PSD3: variants seen among roughly 807,000 people sequenced by gnomAD.
PSD3 encodes the protein pleckstrin and Sec7 domain containing 3, also known as PH and SEC7 domain-containing protein 3.
PSD3 carries 49 observed loss-of-function variants against 105.5 expected under a neutral mutation model. The ratio of observed to expected loss-of-function variants is 0.46; its 90% CI spans 0.37 to 0.59. PSD3 has a LOEUF of 0.59. Among genes scored for constraint, PSD3 ranks in the 20% least tolerant of loss-of-function variants. The pLI, the probability that PSD3 is intolerant of heterozygous loss-of-function variation, is 0.00. For synonymous variants in PSD3, 557 were observed against 457.8 expected (o/e 1.22, Z -2.77); for missense variants, 1,561 against 1,263.8 (o/e 1.24, Z -3.57).
At chr8:18,576,822 C>G (rs369991125) in intron 12 of PSD3, among the ~76,000 whole-genome samples, 2 of 151,734 alleles carry the variant, frequency 1.3e-5, no homozygotes, top group East Asian at 3.9e-4. Flanking sequence ...CATTTCCATA[C>G]ATACTGATCC....
At chr8:18,772,112 TA>T (rs1447793958) in intron 8 of PSD3, among the ~76,000 whole-genome samples, 2 of 152,246 alleles carry the variant, frequency 1.3e-5, no homozygotes, top group Non-Finnish European at 2.9e-5. Context: ...GACAACATTT[TA>T]TTTATACATA....
Position 18,765,494 on chromosome 8 carries a change from C to G in PSD3, c.2127G>C (p.Leu709=). The G allele has an allele frequency of 6.2e-7, 1 of 1,613,322 alleles. No homozygotes were observed. The highest frequency in any genetic ancestry group is 8.5e-7 in the Non-Finnish European group (1 of 1,179,258). ...AATCAACACCCTCATTTACCCCTTG[C>G]AGATTTGCAATGAACTCCTGACAGG... ...KMTCQEFIAN[L]QGVNEGVDFS... The change falls in exon 9 of 16, where the codon CTG becomes CTC. Residue 709 remains leucine, a synonymous_variant. Coordinates refer to ENST00000327040, the MANE Select transcript of PSD3 (RefSeq NM_015310.4).
At chr8:18,951,542 G>C (rs1368489057) in intron 1 of PSD3, among the ~76,000 whole-genome samples, 1 of 152,140 alleles carries the variant, frequency 6.6e-6, no homozygotes, top group Non-Finnish European at 1.5e-5. Flanking sequence ...AAAATGCACT[G>C]ACAAGTTAGG....
intron 12 of PSD3, among the ~76,000 whole-genome samples, chr8:18,577,020 A>G (rs781004218): frequency 2.6e-5 from 4 of 151,194 alleles, no homozygotes; most frequent in Non-Finnish European, 5.9e-5. Flanking sequence ...TTTGTTTTCC[A>G]TATTTCTTCT....
chr8:18,717,537 C>G (rs190876418), intron 9 of PSD3, among the ~76,000 whole-genome samples: 3 of 151,932 alleles, frequency 2.0e-5, no homozygotes, highest in South Asian at 2.1e-4. Context: ...TAAAAAAAAA[C>G]CAACCATGAA....
chr8:18,935,982 T>C (rs1822100920), intron 2 of PSD3, 52 bp downstream of exon 2: 1 of 1,188,560 alleles, frequency 8.4e-7, no homozygotes, highest in African/African-American at 1.5e-5. Context: ...CACTTTGAAA[T>C]CACAGCTCTT....
At chr8:18,543,604 C>G (rs1013885218) in intron 15 of PSD3, among the ~76,000 whole-genome samples, 2 of 150,712 alleles carry the variant, frequency 1.3e-5, no homozygotes, top group Non-Finnish European at 3.0e-5. Context: ...GGCGACAGAG[C>G]GAGACTCTCT....
Position 18,535,536 on chromosome 8 carries a change from A to C in PSD3, c.*207T>G, listed in dbSNP as rs940895287. ...TCCTCACAGAAAAGGTGCATTAGCT[A>C]TCAAGTTGCAAAAATCATCAAAGCA... On this transcript the variant is annotated 3_prime_UTR_variant, in exon 16 of 16. Coordinates refer to ENST00000327040, the MANE Select transcript of PSD3 (RefSeq NM_015310.4). 43 of 567,150 alleles carry C rather than the reference A, an allele frequency of 7.6e-5. No homozygotes were observed. In the South Asian group the frequency reaches 8.5e-4, roughly 11 times the overall value. 35.1% of individuals were successfully genotyped at this position (567,150 alleles called of 1,614,324 possible). A position where few individuals can be genotyped will look rare whatever the true frequency, so the allele number is the denominator to read the frequency against.
chr8:18,893,833 G>C (rs758345038), intron 2 of PSD3, among the ~76,000 whole-genome samples: 5 of 152,336 alleles, frequency 3.3e-5, no homozygotes, highest in Non-Finnish European at 7.3e-5. Context: ...CTGCGGTTCT[G>C]CCACGGCTGC....
At chr8:18,857,319 G>C (rs766962227) in intron 4 of PSD3, among the ~76,000 whole-genome samples, 3 of 152,292 alleles carry the variant, frequency 2.0e-5, no homozygotes, top group African/African-American at 4.8e-5. Flanking sequence ...GATCACCTGG[G>C]AATGTGTTAA....
intron 1 of PSD3, among the ~76,000 whole-genome samples, chr8:18,977,268 A>AG: frequency 6.6e-6 from 1 of 151,638 alleles, no homozygotes; most frequent in African/African-American, 2.4e-5. Context: ...TCAAAAAAAA[A>AG]AAAAAAAAAA....
chr8:18,733,893 AAG>A (rs1563208500), intron 9 of PSD3: 3 of 152,528 alleles, frequency 2.0e-5, no homozygotes, highest in Non-Finnish European at 4.4e-5. Context: ...AAAAAAGAAA[AAG>A]AGCAGAAAAG....
intron 14 of PSD3, among the ~76,000 whole-genome samples, chr8:18,568,332 A>G (rs894560374): frequency 6.6e-6 from 1 of 152,120 alleles, no homozygotes; most frequent in Non-Finnish European, 1.5e-5. Flanking sequence ...ATTAAATCTA[A>G]GTAACTTTTT....
intron 4 of PSD3, among the ~76,000 whole-genome samples, chr8:18,806,441 T>C (rs1811205891): frequency 6.6e-6 from 1 of 152,220 alleles, no homozygotes; most frequent in African/African-American, 2.4e-5. Context: ...CTTGTATTTA[T>C]AACAGTGAAA....
At chr8:18,661,015 G>T (rs1406731774) in intron 9 of PSD3, among the ~76,000 whole-genome samples, 2 of 152,072 alleles carry the variant, frequency 1.3e-5, no homozygotes, top group African/African-American at 4.8e-5. Flanking sequence ...TTTATTCAAG[G>T]CTTTAGTGCT....
At position 18,569,022 on chromosome 8, in the gene PSD3, C is replaced by A. The variant is rs1020735311; in HGVS notation, c.2784+3506G>T. Reference sequence around the variant, plus strand: ...ATTTCCAATTTCATCCATGTCCCTACAAAGGACATGAACTCATCATTTTTT... The same window carrying A: ...ATTTCCAATTTCATCCATGTCCCTAAAAAGGACATGAACTCATCATTTTTT... On this transcript the variant is annotated intron_variant, in intron 14 of 15. Transcript: ENST00000327040. Among the ~76,000 whole-genome samples the A allele has an allele frequency of 3.4e-4, 48 of 141,072 alleles. No individual in the cohort carries two copies. In the East Asian group the frequency reaches 9.3e-3, roughly 27 times the overall value. The allele number at this position is 141,072 out of a possible 152,430, so 92.5% of individuals were successfully genotyped here.
intron 1 of PSD3, among the ~76,000 whole-genome samples, chr8:19,062,056 A>G (rs1458390236): frequency 6.6e-6 from 1 of 152,194 alleles, no homozygotes. Context: ...CTTTGAGGCC[A>G]TTCTTCACTT....
chr8:18,636,152 T>A (rs1380600065), intron 10 of PSD3, among the ~76,000 whole-genome samples: 1 of 152,098 alleles, frequency 6.6e-6, no homozygotes, highest in East Asian at 1.9e-4. Flanking sequence ...CGAAAGACAG[T>A]GATATTGATG....
At chr8:18,954,284 AG>A (rs1823419776) in intron 1 of PSD3, among the ~76,000 whole-genome samples, 1 of 152,168 alleles carries the variant, frequency 6.6e-6, no homozygotes. Context: ...AGATTTGGGG[AG>A]GGGTTCAATG....
Sources: gnomAD v4.1 joint callset for allele counts (sites outside exome capture counted in the v4.1 genomes callset) on GRCh38, gnomAD v4.1.1 for gene constraint, MANE v1.5 for transcripts, NCBI Gene and HGNC (gene_info 2026-07-23, HGNC 2026-07-21) for gene names.